EXOC6: variants seen among roughly 807,000 people sequenced by gnomAD.
EXOC6 encodes the protein exocyst complex component 6, also known as SEC15-like 1.
EXOC6 carries 60 observed loss-of-function variants against 112.5 expected under a neutral mutation model. The ratio of observed to expected loss-of-function variants is 0.53; its 90% CI spans 0.43 to 0.66. EXOC6 has a LOEUF of 0.66. Among genes scored for constraint, EXOC6 ranks in the 30% least tolerant of loss-of-function variants. EXOC6 has a pLI of 0.00. For missense variants in EXOC6, 855 were observed against 957.1 expected, an observed-to-expected ratio of 0.89 and a Z score of 1.41; for synonymous variants, 295 against 308.0, an observed-to-expected ratio of 0.96 and a Z score of 0.44.
At chr10:92,878,795 T>C (rs1848808735) in intron 1 of EXOC6, among the ~76,000 whole-genome samples, 1 of 152,328 alleles carries the variant, frequency 6.6e-6, no homozygotes, top group Admixed American at 6.5e-5. Context: ...AAGCCAGGTT[T>C]TTCTCAATCT....
intron 1 of EXOC6, among the ~76,000 whole-genome samples, chr10:92,840,762 A>G (rs1846818546): frequency 6.6e-6 from 1 of 152,012 alleles, no homozygotes; most frequent in Non-Finnish European, 1.5e-5. Context: ...GGCTCAAGCA[A>G]TCCACCCATC....
intron 19 of EXOC6, among the ~76,000 whole-genome samples, chr10:93,001,543 T>A (rs181434330): frequency 1.3e-5 from 2 of 152,298 alleles, no homozygotes; most frequent in East Asian, 3.9e-4. Flanking sequence ...GAAAAGGTGT[T>A]CTCAGTAAAA....
intron 20 of EXOC6, among the ~76,000 whole-genome samples, chr10:93,031,771 C>T (rs2134294520): frequency 6.6e-6 from 1 of 152,256 alleles, no homozygotes; most frequent in East Asian, 1.9e-4. Flanking sequence ...CCTCTGCCTA[C>T]CAAAGTGCTG....
Position 92,933,499 on chromosome 10 carries a change from G to A in EXOC6, c.973-645G>A, listed in dbSNP as rs558416556. 2.0e-4 allele frequency among the ~76,000 whole-genome samples: 30 copies of A among 152,160 alleles called. No individual in the cohort carries two copies. In the South Asian group the frequency reaches 2.3e-3, roughly 12 times the overall value. ...AATCACAGTATTTCTAAGCTAAAAC[G>A]TATTAATAATTCTTCCCCCAAAACA... On this transcript the variant is annotated intron_variant, in intron 9 of 21. Coordinates refer to ENST00000260762, the MANE Select transcript of EXOC6 (RefSeq NM_019053.6).
At chr10:92,876,731 A>C (rs1004737260) in intron 1 of EXOC6, among the ~76,000 whole-genome samples, 1 of 152,310 alleles carries the variant, frequency 6.6e-6, no homozygotes, top group Non-Finnish European at 1.5e-5. Context: ...TGCAGTTCCC[A>C]GACAGGCATC....
Position 93,058,339 on chromosome 10 carries a change from T to C in EXOC6, c.2399T>C (p.Met800Thr), listed in dbSNP as rs368734261. The C allele has an allele frequency of 6.2e-7, 1 of 1,610,958 alleles. No individual in the cohort carries two copies. The highest frequency in any genetic ancestry group is 2.2e-5 in the East Asian group (1 of 44,740). Reference sequence around the variant, plus strand: ...CAGCTGAGAAGTTTGGTGAATGGTATGTCCCAGCACATGTAGACCTCACAT... The same window carrying C: ...CAGCTGAGAAGTTTGGTGAATGGTACGTCCCAGCACATGTAGACCTCACAT... ...VKQLRSLVNG[M>T]SQHM Residue 800 changes from methionine to threonine, a missense_variant, in exon 22 of 22, where the codon ATG (methionine) becomes ACG (threonine). Transcript: ENST00000260762.
intron 4 of EXOC6, among the ~76,000 whole-genome samples, chr10:92,898,101 G>A (rs1400427661): frequency 6.6e-6 from 1 of 151,962 alleles, no homozygotes; most frequent in Non-Finnish European, 1.5e-5. Flanking sequence ...CTCCTCCGTG[G>A]ATTAGGAGGA....
upstream of EXOC6, chr10:92,848,366 G>C (rs918598040): frequency 4.5e-4 from 129 of 287,872 alleles, no homozygotes; most frequent in African/African-American, 2.8e-3. Flanking sequence ...TGCAGGTGCG[G>C]GGGCGGGAAC....
chr10:93,025,570 C>T (rs961979139), intron 20 of EXOC6, among the ~76,000 whole-genome samples: 1 of 152,064 alleles, frequency 6.6e-6, no homozygotes, highest in Non-Finnish European at 1.5e-5. Flanking sequence ...ATTTACTTAA[C>T]CCATTCAGGA....
intron 1 of EXOC6, among the ~76,000 whole-genome samples, chr10:92,888,129 G>A (rs2133794666): frequency 6.6e-6 from 1 of 152,136 alleles, no homozygotes; most frequent in Non-Finnish European, 1.5e-5. Context: ...TCTTTCATTG[G>A]AACTTACGGT....
In EXOC6 at chr10:93,039,245, C is replaced by T. The variant is rs548072078; in HGVS notation, c.2170-17679C>T. On this transcript the variant is annotated intron_variant, in intron 20 of 21. Coordinates refer to ENST00000260762, the MANE Select transcript of EXOC6 (RefSeq NM_019053.6). ...TAAACTTCCTCTTAGATATGCATTG[C>T]AGTGCTTAGTACTCATAGTTAAGTC... Among the ~76,000 whole-genome samples, 4 of 152,286 alleles carry T rather than the reference C, an allele frequency of 2.6e-5. No individual in the cohort carries two copies. The South Asian group carries it at 8.3e-4, about 32-fold the overall frequency.
At chr10:92,861,198 T>C (rs1847894453) in intron 1 of EXOC6, among the ~76,000 whole-genome samples, 1 of 152,210 alleles carries the variant, frequency 6.6e-6, no homozygotes, top group Admixed American at 6.5e-5. Flanking sequence ...TCTTTGGAGC[T>C]CTTTGTACTT....
intron 1 of EXOC6, among the ~76,000 whole-genome samples, chr10:92,866,782 G>A (rs538898308): frequency 3.3e-5 from 5 of 152,218 alleles, no homozygotes; most frequent in African/African-American, 1.2e-4. Context: ...TGCCAAAATT[G>A]TATCTTATTT....
chr10:92,932,657 C>T (rs1410395877), intron 9 of EXOC6, among the ~76,000 whole-genome samples: 4 of 151,998 alleles, frequency 2.6e-5, no homozygotes, highest in Non-Finnish European at 4.4e-5. Context: ...CACTAAGACA[C>T]GCTTACTAAG....
chr10:92,913,028 G>A (rs946747177), intron 6 of EXOC6, among the ~76,000 whole-genome samples: 25 of 152,146 alleles, frequency 1.6e-4, no homozygotes, highest in Non-Finnish European at 3.2e-4. Context: ...CACATCACGT[G>A]CTTTTGGCTC....
intron 1 of EXOC6, among the ~76,000 whole-genome samples, chr10:92,861,535 T>C (rs10882120): frequency 2.0e-5 from 3 of 147,206 alleles, no homozygotes; most frequent in Non-Finnish European, 4.6e-5. Context: ...CATACTCACC[T>C]TTTTTTTTTA....
chr10:92,839,312 G>A (rs1255218717), intron 1 of EXOC6, among the ~76,000 whole-genome samples: 1 of 152,100 alleles, frequency 6.6e-6, no homozygotes, highest in Non-Finnish European at 1.5e-5. Flanking sequence ...CTTCCGCTAG[G>A]GGGCGTGACT....
chr10:92,934,581 T>C, intron 11 of EXOC6, 151 bp downstream of exon 11: 1 of 634,348 alleles, frequency 1.6e-6, no homozygotes, highest in Non-Finnish European at 2.4e-6. Context: ...AGGCTTTTGT[T>C]TGGTAATATC....
intron 20 of EXOC6, among the ~76,000 whole-genome samples, chr10:93,022,673 T>A (rs1262627078): frequency 7.2e-5 from 11 of 152,196 alleles, no homozygotes; most frequent in Non-Finnish European, 1.6e-4. Flanking sequence ...TGCTTATATT[T>A]GTTTTTAAAA....
Sources: gnomAD v4.1 joint callset for allele counts (sites outside exome capture counted in the v4.1 genomes callset) on GRCh38, gnomAD v4.1.1 for gene constraint, MANE v1.5 for transcripts, NCBI Gene and HGNC (gene_info 2026-07-23, HGNC 2026-07-21) for gene names.